UGT1A7: variants seen among roughly 807,000 people sequenced by gnomAD.
UGT1A7 encodes UDP-glucuronosyltransferase 1A7.
A neutral mutation model predicts 45.6 loss-of-function variants in UGT1A7; 33 were observed. That is an observed-to-expected ratio of 0.72 (90% CI 0.55 to 0.97). The LOEUF is 0.97. Among genes scored for constraint, UGT1A7 ranks in the 50% least tolerant of loss-of-function variants. UGT1A7 has a pLI of 0.00. For synonymous variants in UGT1A7, 274 were observed against 250.6 expected (o/e 1.09, Z -0.88); for missense variants, 684 against 666.2 (o/e 1.03, Z -0.29).
At chr2:233,687,689 G>A (rs1159780440) in intron 1 of UGT1A7, among the ~76,000 whole-genome samples, 1 of 151,460 alleles carries the variant, frequency 6.6e-6, no homozygotes, top group African/African-American at 2.4e-5. Context: ...GATCACTTAA[G>A]CCCAGGAGTT....
intron 1 of UGT1A7, chr2:233,693,021 G>T: frequency 6.2e-7 from 1 of 1,614,090 alleles, no homozygotes. Flanking sequence ...TGCCTCCTTC[G>T]CTCATTTCAG....
chr2:233,767,823 C>T (rs763238770), intron 2 of UGT1A7, 26 bp from the exon 3 acceptor site: 36 of 1,614,026 alleles, frequency 2.2e-5, no homozygotes, highest in Non-Finnish European at 2.7e-5. Context: ...TCTTTCTTTA[C>T]GTTCTGCTCT....
chr2:233,697,900 A>C (rs1250701984), intron 1 of UGT1A7, among the ~76,000 whole-genome samples: 4 of 152,230 alleles, frequency 2.6e-5, no homozygotes, highest in Non-Finnish European at 5.9e-5. Flanking sequence ...AATCAAATCT[A>C]TTGACTCCTT....
Position 233,757,535 on chromosome 2 carries a change from A to AATATATATATATATAT in UGT1A7, c.856-9488_856-9473dup, listed in dbSNP as rs67292694. On this transcript the variant is annotated intron_variant, in intron 1 of 4. Coordinates refer to ENST00000373426, the MANE Select transcript of UGT1A7 (RefSeq NM_019077.3). Reference sequence around the variant, plus strand: ...CAAAGCCAAAATCTTGCCTGTAAGGAATATATATATATATATATATATATA... The same window carrying AATATATATATATATAT: ...CAAAGCCAAAATCTTGCCTGTAAGGAATATATATATATATATATATATATATATATATATATATATA... 5.8e-3 allele frequency among the ~76,000 whole-genome samples: 508 copies of AATATATATATATATAT among 88,168 alleles called. 6 individuals are homozygous for AATATATATATATATAT. The highest frequency in any genetic ancestry group is 0.021 in the Admixed American group (195 of 9,086). 57.8% of individuals were successfully genotyped at this position (88,168 alleles called of 152,430 possible).
intron 4 of UGT1A7, chr2:233,770,769 A>G (rs771897694): frequency 2.6e-5 from 4 of 152,220 alleles, no homozygotes; most frequent in Non-Finnish European, 2.9e-5. Flanking sequence ...CATTATAATA[A>G]TGTTTCCAAA....
At chr2:233,767,965 C>CAAACCAG (rs1699532267) in intron 3 of UGT1A7, 29 bp downstream of exon 3, 1 of 1,613,980 alleles carries the variant, frequency 6.2e-7, no homozygotes, top group Admixed American at 1.7e-5. Flanking sequence ...ATGTATAGGT[C>CAAACCAG]AAACCAGGGT....
intron 1 of UGT1A7, among the ~76,000 whole-genome samples, chr2:233,765,843 C>G (rs546022798): frequency 2.0e-4 from 31 of 152,086 alleles, no homozygotes; most frequent in African/African-American, 7.2e-4. Context: ...TTTCCTTGTC[C>G]CCCTCACAGA....
chr2:233,737,268 C>T (rs1008079233), intron 1 of UGT1A7, among the ~76,000 whole-genome samples: 4 of 152,268 alleles, frequency 2.6e-5, no homozygotes, highest in African/African-American at 9.6e-5. Context: ...CAATGGCGGA[C>T]ACCCCTCACC....
chr2:233,761,011 G>A, intron 1 of UGT1A7: 1 of 1,614,156 alleles, frequency 6.2e-7, no homozygotes, highest in Non-Finnish European at 8.5e-7. Flanking sequence ...TCAGAGAGAG[G>A]TGACTGTCCA....
chr2:233,689,713 G>A (rs1559343774), intron 1 of UGT1A7, among the ~76,000 whole-genome samples: 1 of 152,132 alleles, frequency 6.6e-6, no homozygotes, highest in African/African-American at 2.4e-5. Flanking sequence ...CCTTATCTGA[G>A]GTCTGCCTGC....
Position 233,760,573 on chromosome 2 carries a change from G to A in UGT1A7, c.856-6461G>A, listed in dbSNP as rs1208621089. The A allele has an allele frequency of 1.1e-5, 18 of 1,614,052 alleles. No individual in the cohort carries two copies. The highest frequency in any genetic ancestry group is 2.7e-5 in the African/African-American group (2 of 74,912). ...TGTGAAAGAGTCTTTTGTTAGTCTC[G>A]GGCATAATGTTTTTGAGAATGATTC... On this transcript the variant is annotated intron_variant, in intron 1 of 4. Coordinates refer to ENST00000373426, the MANE Select transcript of UGT1A7 (RefSeq NM_019077.3).
intron 1 of UGT1A7, among the ~76,000 whole-genome samples, chr2:233,731,303 T>C (rs2078137906): frequency 6.6e-6 from 1 of 151,406 alleles, no homozygotes; most frequent in Non-Finnish European, 1.5e-5. Context: ...TTTTTTATTA[T>C]ACTTTAAGTT....
intron 1 of UGT1A7, among the ~76,000 whole-genome samples, chr2:233,706,946 T>C (rs766226736): frequency 3.3e-5 from 5 of 152,114 alleles, no homozygotes; most frequent in Non-Finnish European, 7.4e-5. Context: ...GGAATGCTTG[T>C]GCAAGTCAGG....
At position 233,768,268 on chromosome 2, in the gene UGT1A7, T is replaced by A; in HGVS notation, c.1124T>A (p.Val375Asp). The change falls in exon 4 of 5, where the codon GTT becomes GAT. Residue 375 changes from valine to aspartate, a missense_variant. By Grantham distance (152) the Val-to-Asp change is radical. Coordinates refer to ENST00000373426, the MANE Select transcript of UGT1A7 (RefSeq NM_019077.3). ...AFITHAGSHG[V>D]YESICNGVPM... Reference sequence around the variant, plus strand: ...ATCACCCATGCTGGTTCCCATGGTGTTTATGAAAGCATATGCAATGGCGTT... The same window carrying A: ...ATCACCCATGCTGGTTCCCATGGTGATTATGAAAGCATATGCAATGGCGTT... 1 of 1,614,178 alleles carries A rather than the reference T, an allele frequency of 6.2e-7. No homozygotes were observed. The highest frequency in any genetic ancestry group is 8.5e-7 in the Non-Finnish European group (1 of 1,180,024).
At chr2:233,689,771 G>A (rs1359946569) in intron 1 of UGT1A7, 1 of 315,896 alleles carries the variant, frequency 3.2e-6, no homozygotes, top group Non-Finnish European at 6.3e-6. Flanking sequence ...AACAACTCGG[G>A]GACATATGTT....
At chr2:233,736,365 T>C (rs969556096) in intron 1 of UGT1A7, among the ~76,000 whole-genome samples, 1 of 152,210 alleles carries the variant, frequency 6.6e-6, no homozygotes, top group Non-Finnish European at 1.5e-5. Context: ...CTCCATCAGG[T>C]CATTTAAGGT....
chr2:233,688,115 T>A (rs2074878398), intron 1 of UGT1A7, among the ~76,000 whole-genome samples: 1 of 152,140 alleles, frequency 6.6e-6, no homozygotes, highest in Non-Finnish European at 1.5e-5. Context: ...CTTCTACCCC[T>A]CAGCACTAAT....
At chr2:233,727,536 T>C (rs2077625396) in intron 1 of UGT1A7, among the ~76,000 whole-genome samples, 1 of 152,154 alleles carries the variant, frequency 6.6e-6, no homozygotes, top group East Asian at 1.9e-4. Context: ...ACCAGGCGTG[T>C]TCCACCCGTC....
intron 1 of UGT1A7, among the ~76,000 whole-genome samples, chr2:233,761,833 G>A (rs549701832): frequency 6.6e-6 from 1 of 152,304 alleles, no homozygotes; most frequent in Admixed American, 6.5e-5. Flanking sequence ...CAGATGGAGC[G>A]TTAGGGAATT....
Sources: gnomAD v4.1 joint callset for allele counts (sites outside exome capture counted in the v4.1 genomes callset) on GRCh38, gnomAD v4.1.1 for gene constraint, MANE v1.5 for transcripts, NCBI Gene and HGNC (gene_info 2026-07-23, HGNC 2026-07-21) for gene names.